The following UGT2A1 variants were observed in gnomAD, a reference collection of about 807,000 sequenced individuals.
The protein encoded by UGT2A1 is UDP-glucuronosyltransferase 2A1.
In UGT2A1, 61 loss-of-function variants were observed where a neutral mutation model predicts 45.4. That is an observed-to-expected ratio of 1.34 (90% CI 1.09 to 1.66). The LOEUF is 1.66. UGT2A1 is among the 40% of genes most tolerant of loss of function. UGT2A1 has a pLI of 0.00. For missense variants in UGT2A1, 649 were observed against 574.3 expected, an observed-to-expected ratio of 1.13 and a Z score of -1.33; for synonymous variants, 229 against 196.2, an observed-to-expected ratio of 1.17 and a Z score of -1.40.
intron 3 of UGT2A1, among the ~76,000 whole-genome samples, chr4:69,626,287 C>T (rs1721055626): frequency 6.6e-6 from 1 of 150,644 alleles, no homozygotes; most frequent in African/African-American, 2.4e-5. Context: ...AATTTTATTC[C>T]ACCAAAGAGG....
Position 69,594,678 on chromosome 4 carries a change from G to T in UGT2A1, c.1103C>A (p.Ala368Asp), listed in dbSNP as rs1024377293. ...NDLLGHPKTK[A>D]FITHGGTNGI... is the part of the protein sequence containing the mutation. ...ATTAGTTCCACCATGAGTGATAAAA[G>T]CTTTGGTTTTGGGATGTCCTAATTT... The change falls in exon 6 of 7, where the codon GCT (alanine) becomes GAT (aspartate). Residue 368 changes from alanine (A) to aspartate (D), a missense_variant. Transcript: ENST00000286604. 1 of 1,613,826 alleles carries T rather than the reference G, an allele frequency of 6.2e-7. No homozygotes were observed. The highest frequency in any genetic ancestry group is 1.3e-5 in the African/African-American group (1 of 75,030).
intron 3 of UGT2A1, among the ~76,000 whole-genome samples, chr4:69,621,367 A>C (rs1720745003): frequency 6.6e-6 from 1 of 151,974 alleles, no homozygotes; most frequent in Non-Finnish European, 1.5e-5. Flanking sequence ...AAGAAGACAT[A>C]CATGCAACCA....
intron 3 of UGT2A1, among the ~76,000 whole-genome samples, chr4:69,617,576 A>C (rs1171640010): frequency 6.6e-6 from 1 of 151,888 alleles, no homozygotes; most frequent in Non-Finnish European, 1.5e-5. Flanking sequence ...AGGAAGAAAG[A>C]CTGTTTCAAA....
intron 3 of UGT2A1, among the ~76,000 whole-genome samples, chr4:69,610,174 T>C (rs1338117192): frequency 6.6e-6 from 1 of 152,136 alleles, no homozygotes; most frequent in Non-Finnish European, 1.5e-5. Context: ...TTAAAAGATA[T>C]ATAAAATATT....
At position 69,588,441 on chromosome 4, in the gene UGT2A1, A is replaced by AT. The variant is rs1718377664; in HGVS notation, c.*930dup. The AT allele has an allele frequency of 6.6e-6, 1 of 152,050 alleles. No homozygotes were observed. Among genetic ancestry groups the AT allele is most frequent in the Admixed American group, 6.6e-5 (1 of 15,262 alleles). The allele number at this position is 152,050 out of a possible 1,614,324, so 9.4% of individuals were successfully genotyped here. Reference sequence around the variant, plus strand: ...ATCAAATTCCAAGTAAGCATTTTTTATTTTTTGGCATAAAATTAAACTTTT... The same window carrying AT: ...ATCAAATTCCAAGTAAGCATTTTTTATTTTTTTGGCATAAAATTAAACTTTT... On this transcript the variant is annotated 3_prime_UTR_variant, in exon 7 of 7. Transcript: ENST00000286604.
At chr4:69,590,366 G>T (rs1328441755) in intron 6 of UGT2A1, among the ~76,000 whole-genome samples, 1 of 152,120 alleles carries the variant, frequency 6.6e-6, no homozygotes, top group Non-Finnish European at 1.5e-5. Context: ...AACAATATTG[G>T]GTGGATATCT....
intron 3 of UGT2A1, among the ~76,000 whole-genome samples, chr4:69,602,669 A>G (rs1391616041): frequency 7.3e-6 from 1 of 137,816 alleles, no homozygotes; most frequent in East Asian, 2.0e-4. Flanking sequence ...TTTCCACTGA[A>G]AAACTTGGAA....
At chr4:69,611,300 T>TTTTTTTTTTTTTTTTTTTGG (rs1553904914) in intron 3 of UGT2A1, among the ~76,000 whole-genome samples, 1 of 148,960 alleles carries the variant, frequency 6.7e-6, no homozygotes, top group Admixed American at 6.7e-5. Flanking sequence ...CAGCTATTCT[T>TTTTTTTTTTTTTTTTTTTGG]AATGCTATTA....
chr4:69,646,815 T>C (rs1448091140), intron 2 of UGT2A1, 115 bp downstream of exon 2: 4 of 696,940 alleles, frequency 5.7e-6, no homozygotes, highest in African/African-American at 5.4e-5. Context: ...GATAGTAATA[T>C]ATAGTACATC....
chr4:69,624,594 A>AT (rs888519279), intron 3 of UGT2A1, among the ~76,000 whole-genome samples: 2 of 149,626 alleles, frequency 1.3e-5, no homozygotes, highest in African/African-American at 4.9e-5. Context: ...ATCCTAGTTG[A>AT]TTTTTTTTAG....
chr4:69,601,870 G>A lies in UGT2A1; in HGVS notation c.848-2476C>T, dbSNP rs1246316333. On this transcript the variant is annotated intron_variant, in intron 3 of 6. Transcript: ENST00000286604. ...TAGAGGAGCAGCAGCACTCATAGTA[G>A]TCTGGCCCTCAGAGACTCTTACTCT... is the stretch of plus-strand genomic sequence containing the variant. 1.5e-5 allele frequency among the ~76,000 whole-genome samples: 2 copies of A among 136,584 alleles called. 1 individual carries two copies. Among genetic ancestry groups the A allele is most frequent in the African/African-American group, 5.9e-5 (2 of 33,670 alleles). 89.6% of individuals were successfully genotyped at this position (136,584 alleles called of 152,430 possible).
At chr4:69,636,989 G>T (rs1721747625) in intron 2 of UGT2A1, among the ~76,000 whole-genome samples, 1 of 152,098 alleles carries the variant, frequency 6.6e-6, no homozygotes, top group African/African-American at 2.4e-5. Context: ...TATTTAAGGT[G>T]TATAGATTGT....
At chr4:69,651,724 G>A (rs1250593216) in intron 1 of UGT2A1, among the ~76,000 whole-genome samples, 1 of 152,228 alleles carries the variant, frequency 6.6e-6, no homozygotes, top group Non-Finnish European at 1.5e-5. Context: ...GCAGATGCCA[G>A]AGAGGAGCGA....
intron 3 of UGT2A1, among the ~76,000 whole-genome samples, chr4:69,630,333 T>C (rs1721313156): frequency 6.6e-6 from 1 of 152,064 alleles, no homozygotes; most frequent in Non-Finnish European, 1.5e-5. Context: ...AGATGTGCCA[T>C]GCAGCGTCTT....
chr4:69,639,138 A>G, intron 2 of UGT2A1: 1 of 1,613,712 alleles, frequency 6.2e-7, no homozygotes, highest in Non-Finnish European at 8.5e-7. Context: ...TTTCAGAGCA[A>G]CAAGATCACC....
At chr4:69,642,872 C>T (rs957238325) in intron 2 of UGT2A1, among the ~76,000 whole-genome samples, 4 of 151,206 alleles carry the variant, frequency 2.6e-5, no homozygotes, top group African/African-American at 9.7e-5. Context: ...ATATGTAATG[C>T]TTATGGATTA....
chr4:69,618,876 C>T (rs898446339), intron 3 of UGT2A1, among the ~76,000 whole-genome samples: 5 of 151,684 alleles, frequency 3.3e-5, no homozygotes, highest in South Asian at 2.1e-4. Context: ...AACCAAACTT[C>T]GGAAAATTTT....
Position 69,589,567 on chromosome 4 carries a change from C to T in UGT2A1, c.1389G>A (p.Glu463=), listed in dbSNP as rs771730135. ...TGGCTCCTTTGTGGCGCATGACAAA[C>T]TCGATCCAGAAGACTGCTCGATCCA... The part of the protein sequence containing the change: ...KPLDRAVFWI[E]FVMRHKGAKH... Residue 463 remains glutamate (E), a synonymous_variant, in exon 7 of 7, where the codon GAG becomes GAA. Coordinates refer to ENST00000286604, the MANE Select transcript of UGT2A1 (RefSeq NM_001252275.3). The T allele has an allele frequency of 5.6e-6, 9 of 1,614,044 alleles. No homozygotes were observed. The highest frequency in any genetic ancestry group is 7.6e-6 in the Non-Finnish European group (9 of 1,179,952).
In UGT2A1 at chr4:69,645,726, A is replaced by T. The variant is rs186510478; in HGVS notation, c.715+1204T>A. On this transcript the variant is annotated intron_variant, in intron 2 of 6. Coordinates refer to ENST00000286604, the MANE Select transcript of UGT2A1 (RefSeq NM_001252275.3). Reference sequence around the variant, plus strand: ...ATGGTCCTGAATTGCTTATTAGATTAAAATGTTTTTAGAATGACATACAGG... The same window carrying T: ...ATGGTCCTGAATTGCTTATTAGATTTAAATGTTTTTAGAATGACATACAGG... 3.3e-4 allele frequency among the ~76,000 whole-genome samples: 50 copies of T among 151,946 alleles called. 2 individuals are homozygous for T. In the East Asian group the frequency reaches 8.7e-3, roughly 26 times the overall value.
Sources: gnomAD v4.1 joint callset for allele counts (sites outside exome capture counted in the v4.1 genomes callset) on GRCh38, gnomAD v4.1.1 for gene constraint, MANE v1.5 for transcripts, NCBI Gene and HGNC (gene_info 2026-07-23, HGNC 2026-07-21) for gene names.